Variants in SUPT3H observed in about 807,000 individuals in gnomAD.
SUPT3H encodes the protein transcription initiation protein SPT3 homolog.
In SUPT3H, 44 loss-of-function variants were observed where a neutral mutation model predicts 44.3. The ratio of observed to expected loss-of-function variants is 0.99; its 90% CI spans 0.78 to 1.28. SUPT3H has a LOEUF of 1.28. Among genes scored for constraint, SUPT3H ranks in the 50% most tolerant of loss-of-function variants. SUPT3H has a pLI of 0.00. For missense variants in SUPT3H, 380 were observed against 387.1 expected (o/e 0.98, Z 0.15); for synonymous variants, 124 against 125.6 (o/e 0.99, Z 0.09).
At chr6:45,026,701 A>G (rs1051648659) in intron 3 of SUPT3H, among the ~76,000 whole-genome samples, 4 of 152,148 alleles carry the variant, frequency 2.6e-5, no homozygotes, top group African/African-American at 9.7e-5. Context: ...CATATTTGAA[A>G]TAAGCTTATA....
chr6:44,859,676 A>G (rs558194711), intron 10 of SUPT3H, among the ~76,000 whole-genome samples: 5 of 152,356 alleles, frequency 3.3e-5, no homozygotes, highest in Non-Finnish European at 5.9e-5. Context: ...AAGGATTTAA[A>G]AAAGTAAAAA....
chr6:44,891,533 G>A (rs1763315011), intron 10 of SUPT3H, among the ~76,000 whole-genome samples: 1 of 152,042 alleles, frequency 6.6e-6, no homozygotes, highest in East Asian at 1.9e-4. Context: ...TTTATATGAT[G>A]TATCTAGAAT....
chr6:44,988,628 TA>T (rs1032473796), intron 6 of SUPT3H, among the ~76,000 whole-genome samples: 6 of 151,108 alleles, frequency 4.0e-5, no homozygotes, highest in East Asian at 1.9e-4. Flanking sequence ...TTCCTATTTT[TA>T]AAAAAAAGAC....
chr6:44,836,234 T>TC (rs1392795524), intron 10 of SUPT3H, among the ~76,000 whole-genome samples: 1 of 152,164 alleles, frequency 6.6e-6, no homozygotes, highest in Non-Finnish European at 1.5e-5. Context: ...GTGACTTTTC[T>TC]CCTTTTGATA....
chr6:45,255,117 A>C (rs1364428111), intron 2 of SUPT3H, among the ~76,000 whole-genome samples: 1 of 152,156 alleles, frequency 6.6e-6, no homozygotes, highest in South Asian at 2.1e-4. Context: ...TGCTAATCTC[A>C]TACTATGCCT....
intron 10 of SUPT3H, among the ~76,000 whole-genome samples, chr6:44,886,871 C>A (rs2153437992): frequency 6.6e-6 from 1 of 152,186 alleles, no homozygotes; most frequent in South Asian, 2.1e-4. Context: ...TTCAGGAAAC[C>A]CATCTCACAT....
intron 2 of SUPT3H, among the ~76,000 whole-genome samples, chr6:45,117,945 A>G (rs1801075340): frequency 6.6e-6 from 1 of 152,122 alleles, no homozygotes; most frequent in South Asian, 2.1e-4. Context: ...TAAAAATGAA[A>G]TTTAGTATGC....
At chr6:45,021,347 A>T (rs564649784) in intron 3 of SUPT3H, among the ~76,000 whole-genome samples, 1 of 151,962 alleles carries the variant, frequency 6.6e-6, no homozygotes, top group Non-Finnish European at 1.5e-5. Context: ...TAGAAACATA[A>T]TCTTACTTAA....
chr6:45,100,085 A>G (rs1798338314), intron 3 of SUPT3H, among the ~76,000 whole-genome samples: 1 of 152,168 alleles, frequency 6.6e-6, no homozygotes, highest in South Asian at 2.1e-4. Context: ...TCAAAAAATC[A>G]ACTCAAAATG....
intron 2 of SUPT3H, among the ~76,000 whole-genome samples, chr6:45,192,089 G>C (rs373646777): frequency 2.4e-4 from 36 of 152,126 alleles, no homozygotes; most frequent in African/African-American, 6.7e-4. Flanking sequence ...TAAGTTTTTC[G>C]TATCTGTTAG....
At chr6:45,335,945 T>C (rs1788461803) in intron 2 of SUPT3H, among the ~76,000 whole-genome samples, 1 of 151,324 alleles carries the variant, frequency 6.6e-6, no homozygotes, top group South Asian at 2.1e-4. Flanking sequence ...TTTAAGAAGA[T>C]AATGCCTATG....
intron 2 of SUPT3H, among the ~76,000 whole-genome samples, chr6:45,166,749 G>T (rs1809944490): frequency 6.6e-6 from 1 of 152,194 alleles, no homozygotes; most frequent in Non-Finnish European, 1.5e-5. Context: ...GAAGATATCT[G>T]AATGGCTAAG....
At chr6:45,068,214 C>G (rs1793734114) in intron 3 of SUPT3H, among the ~76,000 whole-genome samples, 1 of 148,026 alleles carries the variant, frequency 6.8e-6, no homozygotes, top group Admixed American at 6.8e-5. Flanking sequence ...ATCACAAGAA[C>G]AAAAAACCAA....
chr6:45,328,625 A>G, intron 2 of SUPT3H: 1 of 1,609,534 alleles, frequency 6.2e-7, no homozygotes, highest in Non-Finnish European at 8.5e-7. Flanking sequence ...ATACTGTAAA[A>G]CTAAAACAAG....
intron 3 of SUPT3H, among the ~76,000 whole-genome samples, chr6:45,030,960 TC>T (rs1786828521): frequency 6.6e-6 from 1 of 152,136 alleles, no homozygotes; most frequent in Non-Finnish European, 1.5e-5. Flanking sequence ...TGTTCCAGAA[TC>T]TTTAGATTAT....
chr6:44,833,028 T>C (rs1016371466), intron 10 of SUPT3H, among the ~76,000 whole-genome samples: 1 of 152,164 alleles, frequency 6.6e-6, no homozygotes, highest in East Asian at 1.9e-4. Context: ...GCTACAAAAC[T>C]TACTTTGTAG....
chr6:45,252,121 T>C (rs933713936), intron 2 of SUPT3H, among the ~76,000 whole-genome samples: 2 of 152,204 alleles, frequency 1.3e-5, no homozygotes, highest in Admixed American at 6.5e-5. Flanking sequence ...CAAATGTTTA[T>C]TGATTCTCAA....
At chr6:45,045,948 G>A (rs1789329580) in intron 3 of SUPT3H, among the ~76,000 whole-genome samples, 1 of 151,878 alleles carries the variant, frequency 6.6e-6, no homozygotes, top group African/African-American at 2.4e-5. Context: ...TTCTTTTGTT[G>A]TTCTTCATGC....
chr6:44,918,999 G>A (rs531717993), intron 10 of SUPT3H, among the ~76,000 whole-genome samples: 1 of 152,238 alleles, frequency 6.6e-6, no homozygotes, highest in Admixed American at 6.5e-5. Context: ...TGATTGTATG[G>A]GTGATGATGA....
Sources: allele counts gnomAD v4.1 joint callset (sites outside exome capture counted in the v4.1 genomes callset), GRCh38; gene constraint gnomAD v4.1.1; transcripts MANE v1.5; gene names NCBI Gene and HGNC (gene_info 2026-07-23, HGNC 2026-07-21).